Variants in CCDC91 observed in about 807,000 individuals in gnomAD.
CCDC91 encodes coiled-coil domain-containing protein 91.
A neutral mutation model predicts 63.2 loss-of-function variants in CCDC91; 48 were observed. The observed-to-expected ratio is 0.76, with a 90% CI of 0.60 to 0.97. The LOEUF (loss-of-function observed/expected upper bound fraction) is 0.97, where lower values mean the gene tolerates loss of function less well. Among genes scored for constraint, CCDC91 ranks in the 50% least tolerant of loss-of-function variants. The pLI, the probability that CCDC91 is intolerant of heterozygous loss-of-function variation, is 0.00. For synonymous variants in CCDC91, 167 were observed against 165.8 expected (o/e 1.01, Z -0.06); for missense variants, 500 against 494.6 (o/e 1.01, Z -0.10).
At chr12:28,479,444 T>TCA (rs1221470164) in intron 11 of CCDC91, among the ~76,000 whole-genome samples, 2 of 151,714 alleles carry the variant, frequency 1.3e-5, no homozygotes, top group African/African-American at 4.8e-5. Context: ...ATGGGGATCA[T>TCA]CACACACTGG....
intron 8 of CCDC91, among the ~76,000 whole-genome samples, chr12:28,446,652 C>G (rs1949515310): frequency 6.6e-6 from 1 of 151,976 alleles, no homozygotes; most frequent in Admixed American, 6.6e-5. Flanking sequence ...TTTGTAGAGA[C>G]CACGGTTTTA....
intron 8 of CCDC91, among the ~76,000 whole-genome samples, chr12:28,426,219 G>T (rs987098215): frequency 6.6e-6 from 1 of 151,998 alleles, no homozygotes; most frequent in Non-Finnish European, 1.5e-5. Context: ...TGGATCTCTG[G>T]CTGTTTTCAA....
At chr12:28,328,831 CTG>C (rs1388222281) in intron 6 of CCDC91, among the ~76,000 whole-genome samples, 1 of 151,702 alleles carries the variant, frequency 6.6e-6, no homozygotes, top group African/African-American at 2.4e-5. Flanking sequence ...TGTTTATAAA[CTG>C]AACATAATCT....
intron 8 of CCDC91, among the ~76,000 whole-genome samples, chr12:28,409,682 T>C (rs1947196537): frequency 6.6e-6 from 1 of 152,152 alleles, no homozygotes; most frequent in South Asian, 2.1e-4. Context: ...TATTTAATGA[T>C]ATATATGTCC....
intron 7 of CCDC91, among the ~76,000 whole-genome samples, chr12:28,370,920 G>A (rs563401533): frequency 9.5e-4 from 145 of 152,138 alleles, no homozygotes; most frequent in Non-Finnish European, 1.6e-3. Flanking sequence ...GGAGGAAATC[G>A]CCTCCATGAT....
At chr12:28,219,818 G>C (rs1416302289) in intron 1 of CCDC91, among the ~76,000 whole-genome samples, 1 of 151,972 alleles carries the variant, frequency 6.6e-6, no homozygotes, top group Non-Finnish European at 1.5e-5. Flanking sequence ...AAGCTTAGGA[G>C]ATATGTATAC....
chr12:28,415,349 G>A (rs189576941), intron 8 of CCDC91, among the ~76,000 whole-genome samples: 14 of 151,490 alleles, frequency 9.2e-5, no homozygotes, highest in Non-Finnish European at 1.0e-4. Context: ...TCAGCCTCCC[G>A]AGTAGCTGGG....
At chr12:28,367,396 G>A (rs1944343388) in intron 7 of CCDC91, among the ~76,000 whole-genome samples, 1 of 152,012 alleles carries the variant, frequency 6.6e-6, no homozygotes, top group South Asian at 2.1e-4. Context: ...GAGAAATAAG[G>A]AAAGAATCAG....
At chr12:28,516,323 G>A (rs558368279) in intron 12 of CCDC91, among the ~76,000 whole-genome samples, 47 of 151,980 alleles carry the variant, frequency 3.1e-4, no homozygotes, top group African/African-American at 1.1e-3. Context: ...TTATTTTCTA[G>A]GCTGAGTGTA....
At chr12:28,348,736 TC>T (rs574067900) in intron 6 of CCDC91, among the ~76,000 whole-genome samples, 48 of 152,284 alleles carry the variant, frequency 3.2e-4, no homozygotes, top group African/African-American at 1.2e-3. Context: ...TTTTCTTTTT[TC>T]TTTTTAGTCA....
At chr12:28,222,132 G>T (rs1199559316) in intron 1 of CCDC91, among the ~76,000 whole-genome samples, 2 of 152,036 alleles carry the variant, frequency 1.3e-5, no homozygotes, top group African/African-American at 4.8e-5. Flanking sequence ...CTCATCTATT[G>T]TTCATTTTTC....
At chr12:28,257,431 G>A (rs978051957) in intron 2 of CCDC91, among the ~76,000 whole-genome samples, 186 bp downstream of exon 2, 5 of 152,044 alleles carry the variant, frequency 3.3e-5, no homozygotes, top group Non-Finnish European at 5.9e-5. Flanking sequence ...TAAAACTGAT[G>A]TATTATTATA....
At chr12:28,515,493 A>G (rs1013314305) in intron 12 of CCDC91, among the ~76,000 whole-genome samples, 1 of 151,906 alleles carries the variant, frequency 6.6e-6, no homozygotes, top group African/African-American at 2.4e-5. Context: ...CTCTTTAGTT[A>G]ACTCTTTAAT....
At chr12:28,248,102 G>GT (rs1945877697) in intron 1 of CCDC91, among the ~76,000 whole-genome samples, 1 of 152,084 alleles carries the variant, frequency 6.6e-6, no homozygotes, top group Non-Finnish European at 1.5e-5. Context: ...TTTTGTGATT[G>GT]ATTTTATATA....
chr12:28,485,410 C>T (rs1299782814), intron 12 of CCDC91, among the ~76,000 whole-genome samples: 1 of 151,948 alleles, frequency 6.6e-6, no homozygotes, highest in Non-Finnish European at 1.5e-5. Flanking sequence ...AAGTGATCCA[C>T]CCACCTCAGC....
At chr12:28,508,768 A>G (rs1939036687) in intron 12 of CCDC91, among the ~76,000 whole-genome samples, 1 of 151,930 alleles carries the variant, frequency 6.6e-6, no homozygotes, top group African/African-American at 2.4e-5. Context: ...TGAGAAGCAC[A>G]TATTATCTGA....
rs189690773 is a variant in CCDC91, at chr12:28,445,815, G to A, written c.763-4346G>A. 2.3e-3 allele frequency among the ~76,000 whole-genome samples: 344 copies of A among 152,228 alleles called. 4 individuals are homozygous for A. Among genetic ancestry groups the A allele is most frequent in the African/African-American group, 7.9e-3 (330 of 41,542 alleles). Reference sequence around the variant, plus strand: ...GTGTGCTCACACAGAGAGAATACGCGAGTGCTCTTTTCCCCATCCTCAGGA... The same window carrying A: ...GTGTGCTCACACAGAGAGAATACGCAAGTGCTCTTTTCCCCATCCTCAGGA... On this transcript the variant is annotated intron_variant, in intron 8 of 12. Transcript: ENST00000536442.
intron 1 of CCDC91, among the ~76,000 whole-genome samples, chr12:28,233,977 A>G (rs1033719066): frequency 6.6e-6 from 1 of 152,170 alleles, no homozygotes; most frequent in Admixed American, 6.6e-5. Flanking sequence ...GTTCAGTGGC[A>G]TTAAGTAAAT....
chr12:28,192,921 C>A (rs1321906940), intron 1 of CCDC91, among the ~76,000 whole-genome samples: 2 of 152,118 alleles, frequency 1.3e-5, no homozygotes, highest in African/African-American at 4.8e-5. Context: ...CTCATAGGTC[C>A]TAGCAACCAC....
Sources: gnomAD v4.1 joint callset for allele counts (sites outside exome capture counted in the v4.1 genomes callset) on GRCh38, gnomAD v4.1.1 for gene constraint, MANE v1.5 for transcripts, NCBI Gene and HGNC (gene_info 2026-07-23, HGNC 2026-07-21) for gene names.